Variants in KIAA0319L observed in about 807,000 individuals in gnomAD.
The protein encoded by KIAA0319L is KIAA0319 like.
A neutral mutation model predicts 120.1 loss-of-function variants in KIAA0319L; 55 were observed. The observed-to-expected ratio is 0.46, with a 90% CI of 0.37 to 0.57. KIAA0319L has a LOEUF of 0.57. Ranked by LOEUF, KIAA0319L falls within the 20% of genes least tolerant of loss-of-function variation. The probability of loss-of-function intolerance (pLI) is 0.00; values close to 1 mark genes in which losing one functional copy is unlikely to be tolerated. For missense variants in KIAA0319L, 1,049 were observed against 1,255.3 expected (o/e 0.84, Z 2.48); for synonymous variants, 398 against 471.9 (o/e 0.84, Z 2.03).
At chr1:35,443,678 A>G (rs922919457) in intron 17 of KIAA0319L, among the ~76,000 whole-genome samples, 1 of 137,678 alleles carries the variant, frequency 7.3e-6, no homozygotes, top group African/African-American at 2.6e-5. Context: ...ATCTCAAAAT[A>G]AATAAATAAA....
intron 6 of KIAA0319L, among the ~76,000 whole-genome samples, chr1:35,467,134 C>T (rs1044108945): frequency 6.6e-6 from 1 of 151,734 alleles, no homozygotes; most frequent in Non-Finnish European, 1.5e-5. Flanking sequence ...TAATGTGAAT[C>T]TTATGAGTAG....
chr1:35,496,947 C>CAAAAAAAAAAAAAAAAAAAAAAAAAAA (rs754043280), intron 3 of KIAA0319L, among the ~76,000 whole-genome samples: 1 of 50,212 alleles, frequency 2.0e-5, no homozygotes, highest in Non-Finnish European at 3.8e-5. Flanking sequence ...ATTGTGTCTC[C>CAAAAAAAAAAAAAAAAAAAAAAAAAAA]AAAAAAAAAA....
intron 2 of KIAA0319L, among the ~76,000 whole-genome samples, chr1:35,537,994 G>A (rs899084088): frequency 6.6e-6 from 1 of 152,146 alleles, no homozygotes; most frequent in Non-Finnish European, 1.5e-5. Context: ...AATCTGGGAG[G>A]AGGAGGTTCA....
chr1:35,434,788 G>T lies in KIAA0319L; in HGVS notation c.*106C>A. On this transcript the variant is annotated 3_prime_UTR_variant, in exon 21 of 21. Transcript: ENST00000325722. ...GGGTTCTGGTTGGGACTGTCAGGGC[G>T]AAATGACCAGCAGATGCTGGGACAG... The T allele has an allele frequency of 1.0e-6, 1 of 1,002,574 alleles. No individual in the cohort carries two copies. Among genetic ancestry groups the T allele is most frequent in the Non-Finnish European group, 1.5e-6 (1 of 685,308 alleles). The allele number at this position is 1,002,574 out of a possible 1,614,324, so 62.1% of individuals were successfully genotyped here.
intron 3 of KIAA0319L, among the ~76,000 whole-genome samples, chr1:35,502,980 T>C (rs1401225146): frequency 6.6e-6 from 1 of 152,206 alleles, no homozygotes; most frequent in African/African-American, 2.4e-5. Flanking sequence ...TCAGTACCAC[T>C]GTTATAAATG....
Position 35,450,426 on chromosome 1 carries a change from T to TA in KIAA0319L, c.2145dup (p.Lys716Ter). ...ACTATTCCCTTGTCATCTGAGGACT[T>TA]AGAGCCATCCAGCTCTGCTGTGCTC... On this transcript the variant is annotated frameshift_variant, in exon 14 of 21. Transcript: ENST00000325722. LOFTEE classifies it high-confidence loss of function. 1 of 1,614,134 alleles carries TA rather than the reference T, an allele frequency of 6.2e-7. No homozygotes were observed. Among genetic ancestry groups the TA allele is most frequent in the Non-Finnish European group, 8.5e-7 (1 of 1,179,964 alleles).
In KIAA0319L at chr1:35,519,102, G is replaced by A. The variant is rs79966021; in HGVS notation, c.143-11967C>T. 6.0e-3 allele frequency among the ~76,000 whole-genome samples: 912 copies of A among 152,038 alleles called. 10 individuals carry two copies. Among genetic ancestry groups the A allele is most frequent in the African/African-American group, 0.021 (869 of 41,462 alleles). ...CGAATTATGTGGCATATTTGGTGTA[G>A]CCCATCTGAATGCCCTAAAATTATC... is the stretch of plus-strand genomic sequence containing the variant. On this transcript the variant is annotated intron_variant, in intron 2 of 20. Coordinates refer to ENST00000325722, the MANE Select transcript of KIAA0319L (RefSeq NM_024874.5).
intron 2 of KIAA0319L, among the ~76,000 whole-genome samples, chr1:35,522,383 G>C (rs1645959485): frequency 1.3e-5 from 2 of 152,028 alleles, no homozygotes; most frequent in African/African-American, 4.8e-5. Flanking sequence ...AGGTTCAAGT[G>C]ATTCTCCTGC....
chr1:35,494,643 AG>A (rs1382056850), intron 3 of KIAA0319L, among the ~76,000 whole-genome samples: 4 of 150,906 alleles, frequency 2.7e-5, no homozygotes, highest in African/African-American at 9.7e-5. Flanking sequence ...AAAATAACAA[AG>A]GGAAAAAAAA....
chr1:35,557,302 A>C lies in KIAA0319L; in HGVS notation c.-124T>G. The C allele has an allele frequency of 4.7e-6, 1 of 212,486 alleles. No individual in the cohort carries two copies. The highest frequency in any genetic ancestry group is 8.9e-6 in the Non-Finnish European group (1 of 112,118). The allele number at this position is 212,486 out of a possible 1,614,324, so 13.2% of individuals were successfully genotyped here. A position where few individuals can be genotyped will look rare whatever the true frequency, so the allele number is the denominator to read the frequency against. ...GGGACCCCCAACCTTCGCTCCCCTC[A>C]CCCGGAGGAGGAGGAGGAAGAGGAA... On this transcript the variant is annotated 5_prime_UTR_variant, in exon 1 of 21. Transcript: ENST00000325722.
At chr1:35,450,135 G>A (rs1345689614) in intron 14 of KIAA0319L, 130 bp from the exon 15 acceptor site, 7 of 1,168,002 alleles carry the variant, frequency 6.0e-6, no homozygotes, top group South Asian at 1.4e-5. Context: ...TTCCTGATAC[G>A]GAACAGCATT....
chr1:35,526,010 T>C (rs1646111067), intron 2 of KIAA0319L, among the ~76,000 whole-genome samples: 1 of 152,130 alleles, frequency 6.6e-6, no homozygotes, highest in Non-Finnish European at 1.5e-5. Context: ...TTGATTTTTG[T>C]ATATGATGAC....
chr1:35,540,204 C>T (rs1410234381), intron 2 of KIAA0319L, among the ~76,000 whole-genome samples: 3 of 152,188 alleles, frequency 2.0e-5, no homozygotes, highest in African/African-American at 7.2e-5. Flanking sequence ...TTCCTCCCTG[C>T]TTCTGTTTCC....
intron 2 of KIAA0319L, among the ~76,000 whole-genome samples, chr1:35,509,502 A>G (rs1240847532): frequency 6.6e-6 from 1 of 152,280 alleles, no homozygotes; most frequent in Admixed American, 6.5e-5. Flanking sequence ...TGACAGAGGC[A>G]GAGATTGGAG....
rs1173865774 is a variant in KIAA0319L, at chr1:35,484,785, TATATATATATATATATATA to T, written c.667-5592_667-5574del. ...TTTTAATCATATATATATATATATA[TATATATATATATATATATA>T]TATTTTTTTTTTTATTATACTCTAA... On this transcript the variant is annotated intron_variant, in intron 3 of 20. Coordinates refer to ENST00000325722, the MANE Select transcript of KIAA0319L (RefSeq NM_024874.5). Among the ~76,000 whole-genome samples, 13 of 62,140 alleles carry T rather than the reference TATATATATATATATATATA, an allele frequency of 2.1e-4. 1 individual carries two copies. The highest frequency in any genetic ancestry group is 1.2e-3 in the Admixed American group (8 of 6,840). 40.8% of individuals were successfully genotyped at this position (62,140 alleles called of 152,430 possible).
intron 4 of KIAA0319L, among the ~76,000 whole-genome samples, chr1:35,477,252 T>C (rs929490622): frequency 6.6e-6 from 1 of 151,948 alleles, no homozygotes; most frequent in African/African-American, 2.4e-5. Context: ...AATTTAATAA[T>C]CCCATTTAAA....
intron 9 of KIAA0319L, 136 bp from the exon 10 acceptor site, chr1:35,456,377 G>A: frequency 1.7e-6 from 1 of 586,552 alleles, no homozygotes; most frequent in Non-Finnish European, 3.0e-6. Flanking sequence ...TATTGGAGAA[G>A]CAGAAAGTAC....
At chr1:35,438,524 T>A (rs1640962249) in intron 20 of KIAA0319L, 2 of 146,160 alleles carry the variant, frequency 1.4e-5, no homozygotes. Flanking sequence ...TCTTTTTTTT[T>A]TTTTTTTTTT....
intron 2 of KIAA0319L, among the ~76,000 whole-genome samples, chr1:35,545,155 T>C (rs891086007): frequency 1.3e-5 from 2 of 152,108 alleles, no homozygotes; most frequent in Admixed American, 6.5e-5. Flanking sequence ...ATGATGTTTA[T>C]TAACTAGATG....
Sources: gnomAD v4.1 joint callset for allele counts (sites outside exome capture counted in the v4.1 genomes callset) on GRCh38, gnomAD v4.1.1 for gene constraint, MANE v1.5 for transcripts, NCBI Gene and HGNC (gene_info 2026-07-23, HGNC 2026-07-21) for gene names.